The following SMC6 variants were observed in gnomAD, a reference collection of about 807,000 sequenced individuals.
The protein encoded by SMC6 is structural maintenance of chromosomes 6, also known as structural maintenance of chromosomes protein 6.
A neutral mutation model predicts 142.2 loss-of-function variants in SMC6; 79 were observed. The observed-to-expected ratio is 0.56, with a 90% confidence interval of 0.46 to 0.67. The LOEUF is 0.67. Ranked by LOEUF, SMC6 falls within the 30% of genes least tolerant of loss-of-function variation. The pLI, the probability that SMC6 is intolerant of heterozygous loss-of-function variation, is 0.00. For synonymous variants in SMC6, 411 were observed against 412.4 expected, an observed-to-expected ratio of 1.00 and a Z score of 0.04; for missense variants, 1,072 against 1,284.0, an observed-to-expected ratio of 0.83 and a Z score of 2.52.
chr2:17,725,323 C>T lies in SMC6; in HGVS notation c.660G>A (p.Lys220=). The T allele has an allele frequency of 6.2e-7, 1 of 1,606,154 alleles. No homozygotes were observed. Among genetic ancestry groups the T allele is most frequent in the Non-Finnish European group, 8.5e-7 (1 of 1,178,142 alleles). ...FMKATQLEQM[K]EDYSYIMETK... ...TTTCCATAATGTATGAATAATCTTC[C>T]TTCATCTGTTCAAGTTGCGTTGCTT... The change falls in exon 9 of 28, where the codon AAG becomes AAA. Residue 220 remains lysine (K), a synonymous_variant. Coordinates refer to ENST00000448223, the MANE Select transcript of SMC6 (RefSeq NM_001142286.2).
intron 7 of SMC6, 117 bp from the exon 8 acceptor site, chr2:17,726,586 C>A: frequency 1.8e-5 from 12 of 681,524 alleles, no homozygotes; most frequent in South Asian, 6.2e-5. Flanking sequence ...CAAGCAATAG[C>A]CAAAGGTTAT....
At chr2:17,752,140 A>G (rs956930914) in intron 2 of SMC6, among the ~76,000 whole-genome samples, 1 of 152,200 alleles carries the variant, frequency 6.6e-6, no homozygotes, top group African/African-American at 2.4e-5. Context: ...AGGTACAGTC[A>G]ATCCCTAAGA....
intron 25 of SMC6, among the ~76,000 whole-genome samples, chr2:17,676,834 C>T (rs1056395798): frequency 6.6e-6 from 1 of 152,052 alleles, no homozygotes; most frequent in African/African-American, 2.4e-5. Context: ...TTTAAAATTT[C>T]AATTTCTAAT....
intron 15 of SMC6, 80 bp from the exon 16 acceptor site, chr2:17,715,145 T>A: frequency 7.8e-7 from 1 of 1,279,464 alleles, no homozygotes. Flanking sequence ...AATTATAGCA[T>A]ATAAATGACT....
chr2:17,713,063 T>C (rs1287566655), intron 16 of SMC6, among the ~76,000 whole-genome samples: 3 of 152,210 alleles, frequency 2.0e-5, no homozygotes, highest in African/African-American at 7.2e-5. Flanking sequence ...TTCACTGAGG[T>C]GGGTCTAAAC....
chr2:17,703,170 T>C lies in SMC6; in HGVS notation c.2129A>G (p.Tyr710Cys), dbSNP rs753612239. ...TTATTTTTTTACCTTTAGTTCTTTA[T>C]AATGTAGTTGGCACCTTTTAAGAAG... The part of the protein sequence containing the change: ...EELLKRCQLH[Y>C]KELKMKIRKN... The change falls in exon 19 of 28, where the codon TAT (tyrosine) becomes TGT (cysteine). Residue 710 changes from tyrosine to cysteine, a missense_variant. Transcript: ENST00000448223. 1 of 1,449,732 alleles carries C rather than the reference T, an allele frequency of 6.9e-7. No individual in the cohort carries two copies. The highest frequency in any genetic ancestry group is 9.5e-7 in the Non-Finnish European group (1 of 1,051,434). The allele number at this position is 1,449,732 out of a possible 1,614,324, so 89.8% of individuals were successfully genotyped here.
intron 2 of SMC6, among the ~76,000 whole-genome samples, chr2:17,750,725 G>A (rs1453118433): frequency 6.6e-6 from 1 of 152,070 alleles, no homozygotes; most frequent in Non-Finnish European, 1.5e-5. Context: ...TTATTGGCTG[G>A]GCGGGTGGCT....
At chr2:17,715,559 A>T (rs1009564809) in intron 15 of SMC6, among the ~76,000 whole-genome samples, 1 of 152,198 alleles carries the variant, frequency 6.6e-6, no homozygotes, top group African/African-American at 2.4e-5. Context: ...TATATTTATA[A>T]GCATTTTCAC....
At chr2:17,750,143 A>G (rs1176058516) in intron 2 of SMC6, among the ~76,000 whole-genome samples, 1 of 152,224 alleles carries the variant, frequency 6.6e-6, no homozygotes, top group Non-Finnish European at 1.5e-5. Context: ...AGTTAATAAA[A>G]TCTGAACACT....
At chr2:17,714,215 C>A (rs1019541647) in intron 16 of SMC6, among the ~76,000 whole-genome samples, 2 of 151,796 alleles carry the variant, frequency 1.3e-5, no homozygotes, top group African/African-American at 4.8e-5. Context: ...CCCACCTCAG[C>A]CTTCCAAGTA....
At chr2:17,693,248 A>G (rs1041427187) in intron 23 of SMC6, among the ~76,000 whole-genome samples, 8 of 152,202 alleles carry the variant, frequency 5.3e-5, no homozygotes, top group Non-Finnish European at 8.8e-5. Flanking sequence ...AGACACATGC[A>G]CATGTATGTT....
rs1425565061 is a variant in SMC6 at position 17,664,395 on chromosome 2, C to G, written c.*1104G>C. 1 of 152,156 alleles carries G rather than the reference C, an allele frequency of 6.6e-6. No homozygotes were observed. Among genetic ancestry groups the G allele is most frequent in the Non-Finnish European group, 1.5e-5 (1 of 68,030 alleles). The allele number at this position is 152,156 out of a possible 1,614,324, so 9.4% of individuals were successfully genotyped here. On this transcript the variant is annotated 3_prime_UTR_variant, in exon 28 of 28. Transcript: ENST00000448223. ...TTTTCCTCAATAACTAGAGAACAGT[C>G]CCTGCTCTTAATATACTGCCCTTTT... is the stretch of plus-strand genomic sequence containing the variant.
Position 17,745,969 on chromosome 2 carries a change from G to T in SMC6, c.-5-18C>A. ...CATCAGGTCTGAACAAATATTTATA[G>T]TAACAATGAGGTAAATCAAGTTCCA... On this transcript the variant is annotated intron_variant, in intron 2 of 27. Coordinates refer to ENST00000448223, the MANE Select transcript of SMC6 (RefSeq NM_001142286.2). 1 of 1,572,204 alleles carries T rather than the reference G, an allele frequency of 6.4e-7. No individual in the cohort carries two copies. Among genetic ancestry groups the T allele is most frequent in the Non-Finnish European group, 8.6e-7 (1 of 1,160,980 alleles).
In SMC6 at chr2:17,696,287, A is replaced by T. The variant is rs753090547; in HGVS notation, c.2532+2T>A. 1.3e-6 allele frequency: 2 copies of T among 1,579,924 alleles called. No individual in the cohort carries two copies. The highest frequency in any genetic ancestry group is 1.7e-6 in the Non-Finnish European group (2 of 1,171,204). On this transcript the variant is annotated splice_donor_variant, in intron 22 of 27. Coordinates refer to ENST00000448223, the MANE Select transcript of SMC6 (RefSeq NM_001142286.2). LOFTEE classifies it high-confidence loss of function. ...AATAACTTGAAAAAAATGGTGAAAA[A>T]CCTCTAGTTCTTTCTCTTTCATATC... is the stretch of plus-strand genomic sequence containing the variant.
rs554547409 is a variant in SMC6 at position 17,700,477 on chromosome 2, C to T, written c.2224-99G>A. The stretch of plus-strand genomic sequence containing the variant: ...ATTCTGAGAGAGGAGAAACTATAGG[C>T]TATATGCAAATCAGATCAAATACAA... On this transcript the variant is annotated intron_variant, in intron 20 of 27. Coordinates refer to ENST00000448223, the MANE Select transcript of SMC6 (RefSeq NM_001142286.2). 6.7e-6 allele frequency: 6 copies of T among 901,122 alleles called. No homozygotes were observed. The East Asian group carries it at 1.4e-4, about 21-fold the overall frequency. 55.8% of individuals were successfully genotyped at this position (901,122 alleles called of 1,614,324 possible). A position where few individuals can be genotyped will look rare whatever the true frequency, so the allele number is the denominator to read the frequency against.
At chr2:17,705,797 GT>G (rs753184218) in intron 18 of SMC6, among the ~76,000 whole-genome samples, 1 of 151,664 alleles carries the variant, frequency 6.6e-6, no homozygotes, top group African/African-American at 2.4e-5. Flanking sequence ...TTCCTCCTTA[GT>G]TTTTTTTACT....
At chr2:17,686,960 T>A (rs1197055239) in intron 23 of SMC6, among the ~76,000 whole-genome samples, 3 of 152,194 alleles carry the variant, frequency 2.0e-5, no homozygotes, top group Non-Finnish European at 4.4e-5. Context: ...AAGGTGTATA[T>A]AAAACATAAA....
At position 17,678,861 on chromosome 2, in the gene SMC6, A is replaced by C. The variant is rs1157013696; in HGVS notation, c.2908T>G (p.Ser970Ala). ...ATGAAAAGAATTAGGATACTTACTG[A>C]TATACTTAGAGTTTCATTCTTGTGG... is the stretch of plus-strand genomic sequence containing the variant. ...FDHKNETLSI[S>A]VQPGEGNKAA... Residue 970 changes from serine to alanine, a missense_variant and splice_region_variant, in exon 25 of 28, where the codon TCA (serine) becomes GCA (alanine). By Grantham distance (99) the Ser-to-Ala change is moderately conservative. Transcript: ENST00000448223. 2 of 1,579,138 alleles carry C rather than the reference A, an allele frequency of 1.3e-6. No homozygotes were observed. The highest frequency in any genetic ancestry group is 2.3e-5 in the South Asian group (2 of 88,874).
intron 22 of SMC6, 81 bp downstream of exon 22, chr2:17,696,208 A>T (rs1053430970): frequency 4.0e-6 from 6 of 1,507,834 alleles, no homozygotes; most frequent in Admixed American, 2.3e-5. Context: ...TGTTTTTAGA[A>T]ACATGACATT....
Sources: allele counts gnomAD v4.1 joint callset (sites outside exome capture counted in the v4.1 genomes callset), GRCh38; gene constraint gnomAD v4.1.1; transcripts MANE v1.5; gene names NCBI Gene and HGNC (gene_info 2026-07-23, HGNC 2026-07-21).